ATG7: variants seen among roughly 807,000 people sequenced by gnomAD.
ATG7 encodes ubiquitin-like modifier-activating enzyme ATG7.
In ATG7, 70 loss-of-function variants were observed where a neutral mutation model predicts 82.4. That is an observed-to-expected ratio of 0.85 (90% confidence interval 0.70 to 1.04). The LOEUF (loss-of-function observed/expected upper bound fraction) is 1.04. Ranked by LOEUF, ATG7 falls within the 50% of genes least tolerant of loss-of-function variation. ATG7 has a pLI of 0.00. For missense variants in ATG7, 792 were observed against 864.3 expected (o/e 0.92, Z 1.05); for synonymous variants, 287 against 313.0 (o/e 0.92, Z 0.88).
At chr3:11,427,063 G>T (rs1294568204) in intron 20 of ATG7, 137 bp downstream of exon 20, 3 of 1,148,068 alleles carry the variant, frequency 2.6e-6, no homozygotes, top group Non-Finnish European at 3.5e-6. Flanking sequence ...AAGTCTGCTA[G>T]TTACCAGAGA....
chr3:11,412,545 A>G (rs1056305645), intron 19 of ATG7, among the ~76,000 whole-genome samples: 1 of 152,056 alleles, frequency 6.6e-6, no homozygotes, highest in Non-Finnish European at 1.5e-5. Context: ...ACTATGCTGA[A>G]CTTTGTAGCT....
intron 20 of ATG7, among the ~76,000 whole-genome samples, chr3:11,462,848 T>C (rs1282196367): frequency 2.3e-3 from 54 of 23,874 alleles, no homozygotes; most frequent in African/African-American, 6.8e-3. Flanking sequence ...TATTTTTATT[T>C]ATTTATTTAT....
At chr3:11,306,916 G>C (rs1947846000) in intron 5 of ATG7, 27 bp from the exon 6 acceptor site, 2 of 1,592,836 alleles carry the variant, frequency 1.3e-6, no homozygotes. Context: ...AGCTGTGCCT[G>C]ACTAACCGTG....
At chr3:11,538,045 C>T (rs1267253722) in intron 20 of ATG7, among the ~76,000 whole-genome samples, 1 of 152,190 alleles carries the variant, frequency 6.6e-6, no homozygotes, top group African/African-American at 2.4e-5. Flanking sequence ...TGTGGGATTC[C>T]AGATGACCCC....
chr3:11,342,038 T>A (rs1953723692), intron 12 of ATG7, 97 bp from the exon 13 acceptor site: 2 of 1,350,062 alleles, frequency 1.5e-6, no homozygotes, highest in Non-Finnish European at 2.0e-6. Flanking sequence ...CCAATTTCCT[T>A]ATTATTTCTT....
chr3:11,288,004 T>C (rs1225040440), intron 3 of ATG7, among the ~76,000 whole-genome samples: 1 of 152,200 alleles, frequency 6.6e-6, no homozygotes, highest in Non-Finnish European at 1.5e-5. Flanking sequence ...AGAATGGTTT[T>C]TGCATTTTTT....
Position 11,299,454 on chromosome 3 carries a change from A to G in ATG7, c.215+38A>G, listed in dbSNP as rs1318162806. 8 of 1,570,042 alleles carry G rather than the reference A, an allele frequency of 5.1e-6. No homozygotes were observed. In the African/African-American group the frequency reaches 8.1e-5, roughly 16 times the overall value. On this transcript the variant is annotated intron_variant, in intron 5 of 20. Coordinates refer to ENST00000693202, the MANE Select transcript of ATG7 (RefSeq NM_001349232.2). ...TTGTTCAAAATCTGAAGTAAAGAAT[A>G]CTACTTTTGGCAAGGAATAAGCATG... is the stretch of plus-strand genomic sequence containing the variant.
At chr3:11,308,883 G>T in intron 6 of ATG7, 101 bp from the exon 7 acceptor site, 1 of 1,102,876 alleles carries the variant, frequency 9.1e-7, no homozygotes, top group Non-Finnish European at 1.4e-6. Flanking sequence ...TGGGCCTGTA[G>T]GAAAGAAGAG....
chr3:11,387,985 T>C (rs1014172713), intron 19 of ATG7, among the ~76,000 whole-genome samples: 2 of 152,000 alleles, frequency 1.3e-5, no homozygotes, highest in African/African-American at 4.8e-5. Context: ...CCACACAGTT[T>C]TACAGACAAT....
chr3:11,310,913 T>A (rs1948563853), intron 7 of ATG7, among the ~76,000 whole-genome samples: 1 of 152,228 alleles, frequency 6.6e-6, no homozygotes, highest in South Asian at 2.1e-4. Context: ...ATTACAGGCA[T>A]GAGCCACCGC....
chr3:11,504,941 G>A (rs2091605258), intron 20 of ATG7, among the ~76,000 whole-genome samples: 1 of 152,148 alleles, frequency 6.6e-6, no homozygotes, highest in South Asian at 2.1e-4. Context: ...TCACAGCAGT[G>A]AAAGAGCCAA....
At chr3:11,405,087 C>A (rs1328797688) in intron 19 of ATG7, among the ~76,000 whole-genome samples, 3 of 152,144 alleles carry the variant, frequency 2.0e-5, no homozygotes, top group African/African-American at 7.2e-5. Context: ...CTGTTACATA[C>A]CAAGTCAGGA....
At chr3:11,469,541 C>T (rs1222261843) in intron 20 of ATG7, among the ~76,000 whole-genome samples, 1 of 152,180 alleles carries the variant, frequency 6.6e-6, no homozygotes, top group African/African-American at 2.4e-5. Flanking sequence ...TGTTCATCTC[C>T]ATACTCTTAA....
At chr3:11,444,038 C>T (rs2084273640) in intron 20 of ATG7, among the ~76,000 whole-genome samples, 1 of 152,068 alleles carries the variant, frequency 6.6e-6, no homozygotes, top group African/African-American at 2.4e-5. Context: ...CAATATAATT[C>T]TATTTGCCTG....
intron 20 of ATG7, among the ~76,000 whole-genome samples, chr3:11,531,621 C>G (rs2092696069): frequency 6.6e-6 from 1 of 152,148 alleles, no homozygotes; most frequent in Admixed American, 6.5e-5. Flanking sequence ...GCCTATAATC[C>G]AGCACTTTGG....
intron 19 of ATG7, among the ~76,000 whole-genome samples, chr3:11,404,547 C>G (rs2080150547): frequency 6.6e-6 from 1 of 151,880 alleles, no homozygotes. Flanking sequence ...GAGTTTAGGG[C>G]CTTCTCAGAT....
the ATG7 span, chr3:11,568,707 G>A: frequency 3.1e-5 from 48 of 1,548,806 alleles, no homozygotes; most frequent in Middle Eastern, 3.8e-4. The surrounding 1 kb of genome is among the most constrained non-coding windows in gnomAD (Gnocchi z 5.9). Flanking sequence ...CTTCCCAGGC[G>A]TCATGTGCTC....
chr3:11,363,334 C>T (rs2076397438), intron 17 of ATG7, among the ~76,000 whole-genome samples: 1 of 151,972 alleles, frequency 6.6e-6, no homozygotes, highest in Admixed American at 6.6e-5. Context: ...CCTCTGCCTT[C>T]TAGGTTCAAG....
rs561471087 is a variant in ATG7 at position 11,356,617 on chromosome 3, T to G, written c.1285-1801T>G. On this transcript the variant is annotated intron_variant, in intron 14 of 20. Coordinates refer to ENST00000693202, the MANE Select transcript of ATG7 (RefSeq NM_001349232.2). ...GTTCAGAATTGGTATTGCATGATTA[T>G]ACTTCCATCTTGGTGTCATGAAAAT... Among the ~76,000 whole-genome samples, 5 of 152,376 alleles carry G rather than the reference T, an allele frequency of 3.3e-5. No homozygotes were observed. The East Asian group carries it at 7.7e-4, about 23-fold the overall frequency.
Sources: gnomAD v4.1 joint callset for allele counts (sites outside exome capture counted in the v4.1 genomes callset) on GRCh38, gnomAD v4.1.1 for gene constraint, Gnocchi (gnomAD v3.1) non-coding constraint, MANE v1.5 for transcripts, NCBI Gene and HGNC (gene_info 2026-07-23, HGNC 2026-07-21) for gene names.